Variants in COQ6 observed in about 807,000 individuals in gnomAD.
COQ6 encodes ubiquinone biosynthesis monooxygenase COQ6, mitochondrial.
COQ6 carries 45 observed loss-of-function variants against 55.5 expected under a neutral mutation model. The observed-to-expected ratio is 0.81, with a 90% CI of 0.64 to 1.04. COQ6 has a LOEUF of 1.04. Ranked by LOEUF, COQ6 falls within the 50% of genes least tolerant of loss-of-function variation. The pLI is 0.00. For synonymous variants in COQ6, 206 were observed against 230.5 expected, an observed-to-expected ratio of 0.89 and a Z score of 0.96; for missense variants, 550 against 601.3, an observed-to-expected ratio of 0.91 and a Z score of 0.89.
In COQ6 at chr14:73,961,349, C is replaced by T. The variant is rs756020385; in HGVS notation, c.1068C>T (p.Tyr356=). 63 of 1,614,098 alleles carry T rather than the reference C, an allele frequency of 3.9e-5. No individual in the cohort carries two copies. Among genetic ancestry groups the T allele is most frequent in the African/African-American group, 3.2e-4 (24 of 74,934 alleles). The change falls in exon 9 of 12, where the codon TAC becomes TAT. Residue 356 remains tyrosine, a synonymous_variant. Coordinates refer to ENST00000334571, the MANE Select transcript of COQ6 (RefSeq NM_182476.3). ...TTGGGTTGGGACATGCTGCTGAGTACGTCAGGCCTCGGGTGGCGCTCATTG... is the reference window on the plus strand; with the variant it reads ...TTGGGTTGGGACATGCTGCTGAGTATGTCAGGCCTCGGGTGGCGCTCATTG... ...FPLGLGHAAE[Y]VRPRVALIGD... is the part of the protein sequence containing the mutation.
chr14:73,962,560 T>TG (rs1241478063), intron 11 of COQ6: 1 of 164,654 alleles, frequency 6.1e-6, no homozygotes. Flanking sequence ...ACCAGTCTCT[T>TG]GAAAAAAAAA....
chr14:73,960,770 G>A, intron 8 of COQ6: 1 of 416,300 alleles, frequency 2.4e-6, no homozygotes, highest in Non-Finnish European at 4.1e-6. Context: ...AGAAAGACTG[G>A]AGGAGTTAAA....
chr14:73,950,284 C>G (rs2140355392), upstream of COQ6: 1 of 1,540,602 alleles, frequency 6.5e-7, no homozygotes, highest in Middle Eastern at 1.7e-4. Context: ...GGACGCACTA[C>G]GTAGGTGGGC....
At chr14:73,951,934 C>T (rs1232723270) in intron 1 of COQ6, among the ~76,000 whole-genome samples, 16 of 137,756 alleles carry the variant, frequency 1.2e-4, no homozygotes, top group Non-Finnish European at 2.3e-4. Context: ...GCTGAGATCG[C>T]GCCACTGCAC....
At chr14:73,950,737 CG>C in intron 1 of COQ6, 1 of 569,548 alleles carries the variant, frequency 1.8e-6, no homozygotes, top group Non-Finnish European at 3.1e-6. Flanking sequence ...CAGGCCTTCC[CG>C]GGGTTATTTA....
chr14:73,950,631 G>A, intron 1 of COQ6, 136 bp downstream of exon 1: 1 of 1,326,758 alleles, frequency 7.5e-7, no homozygotes. Flanking sequence ...CCTCCTAGAG[G>A]AACCCCAGGG....
intron 4 of COQ6, 120 bp downstream of exon 4, chr14:73,956,048 GGT>G (rs2056415204): frequency 8.2e-6 from 12 of 1,472,198 alleles, no homozygotes; most frequent in East Asian, 6.9e-5. Context: ...CTGATGGCCG[GGT>G]GCGGTGGCTC....
chr14:73,954,509 C>T (rs2079632), intron 2 of COQ6, among the ~76,000 whole-genome samples: 1 of 152,090 alleles, frequency 6.6e-6, no homozygotes, highest in Non-Finnish European at 1.5e-5. Context: ...ATTGTCTTTA[C>T]GAGGTTTATA....
upstream of COQ6, chr14:73,950,276 A>G (rs933505094): frequency 1.4e-5 from 21 of 1,539,468 alleles, no homozygotes; most frequent in South Asian, 3.6e-5. Context: ...TCTGCTCCGG[A>G]CGCACTACGT....
chr14:73,958,540 G>C (rs565873669), intron 5 of COQ6: 178 of 1,320,432 alleles, frequency 1.3e-4, no homozygotes, highest in Admixed American at 2.2e-4. Flanking sequence ...GTTGGGAATG[G>C]AGGCTGTTCT....
chr14:73,959,501 G>T lies in COQ6; in HGVS notation c.870G>T (p.Val290=), dbSNP rs150313058. ...TTAGCATGGATGAGGAAAAATTTGTGGATGCCGTTAACTCTGCCTTTGTGA... is the reference window on the plus strand; with the variant it reads ...TTAGCATGGATGAGGAAAAATTTGTTGATGCCGTTAACTCTGCCTTTGTGA... ...ELVSMDEEKF[V]DAVNSAFWSD... is the part of the protein sequence containing the mutation. The change falls in exon 8 of 12, where the codon GTG becomes GTT. Residue 290 remains valine (V), a synonymous_variant. Transcript: ENST00000334571. 115 of 1,614,164 alleles carry T rather than the reference G, an allele frequency of 7.1e-5. No individual in the cohort carries two copies. The African/African-American group carries it at 1.4e-3, about 20-fold the overall frequency.
intron 8 of COQ6, chr14:73,960,738 A>G: frequency 2.0e-6 from 1 of 489,614 alleles, no homozygotes; most frequent in South Asian, 2.5e-5. Flanking sequence ...ATGCTGTGGA[A>G]GCATACAGGG....
chr14:73,952,488 C>A (rs10459544), intron 1 of COQ6, among the ~76,000 whole-genome samples: 53 of 151,726 alleles, frequency 3.5e-4, no homozygotes, highest in Non-Finnish European at 6.6e-4. Context: ...CCAGGTAGGA[C>A]TGCAGTTGCA....
chr14:73,958,598 C>T, intron 5 of COQ6: 1 of 1,286,352 alleles, frequency 7.8e-7, no homozygotes, highest in Non-Finnish European at 9.9e-7. Context: ...TCTCATTTTT[C>T]TCCTTTCTGC....
rs752363258 is a variant in COQ6, at chr14:73,956,283, A to C, written c.481+355A>C. The C allele has an allele frequency of 1.8e-3, 471 of 260,092 alleles. 4 individuals are homozygous for C. The highest frequency in any genetic ancestry group is 9.8e-3 in the African/African-American group (446 of 45,310). 16.1% of individuals were successfully genotyped at this position (260,092 alleles called of 1,614,324 possible). ...GTGGAGCTTGCAGTGAGCCGAGATC[A>C]CGCCACTGCACTCCAGCCTGGGCGA... On this transcript the variant is annotated intron_variant, in intron 4 of 11. Coordinates refer to ENST00000334571, the MANE Select transcript of COQ6 (RefSeq NM_182476.3).
Position 73,955,900 on chromosome 14 carries a change from T to C in COQ6, c.453T>C (p.Ala151=), listed in dbSNP as rs757927318. Residue 151 remains alanine (A), a synonymous_variant, in exon 4 of 12, where the codon GCT becomes GCC. Transcript: ENST00000334571. ...TGGAGAATGATGTCATCATGCATGC[T>C]CTCACTAAGCAGTTGGAGGCTGTGT... The part of the protein sequence containing the change: ...YIVENDVIMH[A]LTKQLEAVSD... The C allele has an allele frequency of 5.1e-5, 82 of 1,614,154 alleles. 1 individual carries two copies. The highest frequency in any genetic ancestry group is 3.3e-4 in the Middle Eastern group (2 of 6,058).
Position 73,958,144 on chromosome 14 carries a change from C to T in COQ6, c.482-3C>T. 6.2e-7 allele frequency: 1 copy of T among 1,613,882 alleles called. No homozygotes were observed. Among genetic ancestry groups the T allele is most frequent in the Non-Finnish European group, 8.5e-7 (1 of 1,179,850 alleles). On this transcript the variant is annotated splice_region_variant and splice_polypyrimidine_tract_variant and intron_variant, in intron 4 of 11. Transcript: ENST00000334571. ...TTTTTTTCCTCTCTTTTGACCTCCC[C>T]AGACCGAGTGACGGTTCTCTACAGG...
intron 11 of COQ6, 35 bp from the exon 12 acceptor site, chr14:73,962,935 G>GT (rs2056819137): frequency 6.5e-7 from 1 of 1,538,210 alleles, no homozygotes; most frequent in African/African-American, 1.4e-5. Context: ...ACCTTACTGT[G>GT]TTAAGAGTTT....
At chr14:73,959,940 G>A (rs929790338) in intron 8 of COQ6, 1 of 1,146,494 alleles carries the variant, frequency 8.7e-7, no homozygotes, top group African/African-American at 1.6e-5. Context: ...TAACTATAAT[G>A]CTTGGTCTAG....
Sources: gnomAD v4.1 joint callset for allele counts (sites outside exome capture counted in the v4.1 genomes callset) on GRCh38, gnomAD v4.1.1 for gene constraint, MANE v1.5 for transcripts, NCBI Gene and HGNC (gene_info 2026-07-23, HGNC 2026-07-21) for gene names.